The following SDHAF4 variants were observed in gnomAD, a reference collection of about 807,000 sequenced individuals.
The protein encoded by SDHAF4 is succinate dehydrogenase complex assembly factor 4, also known as succinate dehydrogenase assembly factor 4, mitochondrial.
In SDHAF4, 14 loss-of-function variants were observed where a neutral mutation model predicts 14.3. The ratio of observed to expected loss-of-function variants is 0.98; its 90% CI spans 0.65 to 1.53. The LOEUF (loss-of-function observed/expected upper bound fraction) is 1.53, where lower values mean the gene tolerates loss of function less well. SDHAF4 is among the 40% of genes most tolerant of loss of function. The pLI is 0.00. For missense variants in SDHAF4, 141 were observed against 129.3 expected, an observed-to-expected ratio of 1.09 and a Z score of -0.44; for synonymous variants, 63 against 47.3, an observed-to-expected ratio of 1.33 and a Z score of -1.36.
At chr6:70,581,304 A>G (rs1225803000) in intron 2 of SDHAF4, among the ~76,000 whole-genome samples, 2 of 144,806 alleles carry the variant, frequency 1.4e-5, no homozygotes, top group African/African-American at 2.7e-5. Flanking sequence ...TATATATTTT[A>G]CCACAGTAAA....
At chr6:70,569,676 C>A (rs77665410) in intron 1 of SDHAF4, among the ~76,000 whole-genome samples, 2 of 152,078 alleles carry the variant, frequency 1.3e-5, no homozygotes, top group Non-Finnish European at 1.5e-5. Flanking sequence ...AATAGAATAA[C>A]GGGTCTGCAT....
chr6:70,566,938 G>C lies in SDHAF4; in HGVS notation c.-3G>C, dbSNP rs767783630. ...CTGCGCGGAGGCTCGGGGAGTCGGC[G>C]CCATGACCCCATCGAGGCTTCCCTG... On this transcript the variant is annotated 5_prime_UTR_variant, in exon 1 of 3. Coordinates refer to ENST00000370474, the MANE Select transcript of SDHAF4 (RefSeq NM_145267.3). The C allele has an allele frequency of 2.5e-6, 4 of 1,579,664 alleles. No individual in the cohort carries two copies. The Admixed American group carries it at 7.3e-5, about 29-fold the overall frequency.
At chr6:70,569,391 C>A (rs532104672) in intron 1 of SDHAF4, among the ~76,000 whole-genome samples, 1 of 152,272 alleles carries the variant, frequency 6.6e-6, no homozygotes, top group South Asian at 2.1e-4. Context: ...GCCTCAGCCT[C>A]CCAAGTAGCT....
At chr6:70,592,779 A>T (rs753140883), downstream of SDHAF4, among the ~76,000 whole-genome samples, 2 of 152,242 alleles carry the variant, frequency 1.3e-5, no homozygotes, top group Non-Finnish European at 2.9e-5. Flanking sequence ...GGGAAATTCT[A>T]AGCCTAGACA....
chr6:70,583,002 T>C (rs1042440842), intron 2 of SDHAF4, among the ~76,000 whole-genome samples: 1 of 152,186 alleles, frequency 6.6e-6, no homozygotes, highest in African/African-American at 2.4e-5. Context: ...GATGAGATAA[T>C]GTAAATAACG....
chr6:70,595,289 A>G, the SDHAF4 span, among the ~76,000 whole-genome samples: 10 of 152,246 alleles, frequency 6.6e-5, no homozygotes, highest in African/African-American at 1.9e-4. Context: ...GACAGAATCC[A>G]GTAGGCTGAT....
At chr6:70,576,173 G>T (rs1362370616) in intron 1 of SDHAF4, among the ~76,000 whole-genome samples, 3 of 152,212 alleles carry the variant, frequency 2.0e-5, no homozygotes, top group Non-Finnish European at 1.5e-5. Context: ...AAGCTGTAAA[G>T]CCTGCAGGTG....
intron 1 of SDHAF4, among the ~76,000 whole-genome samples, chr6:70,573,812 T>A (rs1802217498): frequency 6.6e-6 from 1 of 151,514 alleles, no homozygotes; most frequent in East Asian, 2.0e-4. Context: ...GTAGCTGGGA[T>A]TACAGGTGCC....
chr6:70,588,930 G>T lies in SDHAF4; in HGVS notation c.*206G>T. On this transcript the variant is annotated 3_prime_UTR_variant, in exon 3 of 3. Coordinates refer to ENST00000370474, the MANE Select transcript of SDHAF4 (RefSeq NM_145267.3). ...AGCCTGACCAATATGGAGAAATCTC[G>T]CCTTTACTAAAAATACAAAATTAGC... 1 of 208,326 alleles carries T rather than the reference G, an allele frequency of 4.8e-6. No individual in the cohort carries two copies. The highest frequency in any genetic ancestry group is 9.6e-6 in the Non-Finnish European group (1 of 104,250). 12.9% of individuals were successfully genotyped at this position (208,326 alleles called of 1,614,324 possible).
chr6:70,589,582 T>C (rs1229139347), downstream of SDHAF4: 3 of 152,348 alleles, frequency 2.0e-5, no homozygotes, highest in Middle Eastern at 3.4e-3. Context: ...ATTGTGTTGC[T>C]GCGTGCTAGG....
downstream of SDHAF4, among the ~76,000 whole-genome samples, chr6:70,592,686 AC>A (rs1765268536): frequency 6.6e-6 from 1 of 152,240 alleles, no homozygotes; most frequent in Non-Finnish European, 1.5e-5. Context: ...GCTACTTTTA[AC>A]CACTTACATT....
At chr6:70,583,253 C>T (rs1765155992) in intron 2 of SDHAF4, among the ~76,000 whole-genome samples, 2 of 152,172 alleles carry the variant, frequency 1.3e-5, no homozygotes, top group African/African-American at 2.4e-5. Flanking sequence ...GCTGGGATTA[C>T]AGGCGTCTGG....
At chr6:70,577,772 C>T (rs1802275410) in intron 1 of SDHAF4, among the ~76,000 whole-genome samples, 1 of 152,110 alleles carries the variant, frequency 6.6e-6, no homozygotes, top group Non-Finnish European at 1.5e-5. Flanking sequence ...TCTTGAGTAT[C>T]CAGTGTTTCA....
chr6:70,593,787 G>A (rs573910840), downstream of SDHAF4, among the ~76,000 whole-genome samples: 4 of 152,228 alleles, frequency 2.6e-5, 1 homozygote, highest in South Asian at 8.3e-4. Flanking sequence ...CTGCTCCTGG[G>A]TTCAAGTGAT....
chr6:70,587,012 A>T (rs1765209084), intron 2 of SDHAF4, among the ~76,000 whole-genome samples: 1 of 151,104 alleles, frequency 6.6e-6, no homozygotes, highest in Non-Finnish European at 1.5e-5. Context: ...TCTACTAAAA[A>T]TACAAAAAAT....
At chr6:70,567,762 T>G (rs1802121294) in intron 1 of SDHAF4, 1 of 152,258 alleles carries the variant, frequency 6.6e-6, no homozygotes, top group East Asian at 1.9e-4. Flanking sequence ...CTCGGCTCAC[T>G]GCAAGCTCTG....
the SDHAF4 span, among the ~76,000 whole-genome samples, chr6:70,595,724 T>C: frequency 5.7e-3 from 857 of 151,366 alleles, 3 homozygotes; most frequent in Non-Finnish European, 8.3e-3. Flanking sequence ...TAATCCCACA[T>C]ACTCGGGAGG....
At chr6:70,583,707 TCA>T (rs1765167141) in intron 2 of SDHAF4, among the ~76,000 whole-genome samples, 2 of 152,026 alleles carry the variant, frequency 1.3e-5, no homozygotes, top group Admixed American at 6.6e-5. Context: ...AAAACAAAAA[TCA>T]CACAAAAAAA....
Position 70,573,614 on chromosome 6 carries a change from G to A in SDHAF4, c.65-5800G>A, listed in dbSNP as rs149196791. Among the ~76,000 whole-genome samples, 863 of 149,342 alleles carry A rather than the reference G, an allele frequency of 5.8e-3. 3 individuals are homozygous for A. Among genetic ancestry groups the A allele is most frequent in the Non-Finnish European group, 8.4e-3 (560 of 66,860 alleles). On this transcript the variant is annotated intron_variant, in intron 1 of 2. Transcript: ENST00000370474. ...TTAGGTTTGTTATTTCTGAATTTCCGTGTTTTTCTTTCTTTTTTTTGGCCT... is the reference window on the plus strand; with the variant it reads ...TTAGGTTTGTTATTTCTGAATTTCCATGTTTTTCTTTCTTTTTTTTGGCCT...
Sources: allele counts gnomAD v4.1 joint callset (sites outside exome capture counted in the v4.1 genomes callset), GRCh38; gene constraint gnomAD v4.1.1; transcripts MANE v1.5; gene names NCBI Gene and HGNC (gene_info 2026-07-23, HGNC 2026-07-21).